Variants in BCL7C observed in about 807,000 individuals in gnomAD.
BCL7C encodes B-cell CLL/lymphoma 7 protein family member C.
Under a neutral mutation model 26.2 loss-of-function variants are expected in BCL7C, and 8 were observed. That is an observed-to-expected ratio of 0.30 (90% CI 0.18 to 0.55). The LOEUF is 0.55. BCL7C is among the 20% of genes least tolerant of loss of function. The pLI is 0.93. For missense variants in BCL7C, 262 were observed against 298.5 expected, an observed-to-expected ratio of 0.88 and a Z score of 0.90; for synonymous variants, 90 against 116.5, an observed-to-expected ratio of 0.77 and a Z score of 1.47.
At chr16:30,869,845 TA>T (rs2054867932) in intron 5 of BCL7C, among the ~76,000 whole-genome samples, 1 of 152,280 alleles carries the variant, frequency 6.6e-6, no homozygotes, top group Non-Finnish European at 1.5e-5. Flanking sequence ...AGCATGGACC[TA>T]GCATAGAATG....
At chr16:30,851,100 G>A (rs556440645) in intron 5 of BCL7C, 70 of 239,356 alleles carry the variant, frequency 2.9e-4, no homozygotes, top group Middle Eastern at 1.5e-3. Flanking sequence ...GGGATTCAGC[G>A]AACTCTTGGA....
chr16:30,836,754 G>T (rs1245717195), intron 5 of BCL7C, among the ~76,000 whole-genome samples: 1 of 151,640 alleles, frequency 6.6e-6, no homozygotes, highest in Non-Finnish European at 1.5e-5. Context: ...GGGATTACAG[G>T]TGTGAGCCAC....
chr16:30,870,771 C>A (rs575643690), intron 5 of BCL7C, among the ~76,000 whole-genome samples: 1 of 152,140 alleles, frequency 6.6e-6, no homozygotes, highest in Non-Finnish European at 1.5e-5. Flanking sequence ...GGTACCACAG[C>A]CAAGCATCAC....
intron 5 of BCL7C, among the ~76,000 whole-genome samples, chr16:30,846,109 C>CA (rs534483583): frequency 1.3e-3 from 108 of 81,744 alleles, no homozygotes; most frequent in South Asian, 1.8e-3. Context: ...GACTCCATCT[C>CA]AAAAAAAAAA....
chr16:30,839,400 C>G (rs1189050458), intron 5 of BCL7C, among the ~76,000 whole-genome samples: 3 of 152,052 alleles, frequency 2.0e-5, no homozygotes, highest in Non-Finnish European at 4.4e-5. Flanking sequence ...GATTCCTGTC[C>G]CCTGGTTATT....
At chr16:30,844,915 C>A (rs2054625044) in intron 5 of BCL7C, among the ~76,000 whole-genome samples, 1 of 152,164 alleles carries the variant, frequency 6.6e-6, no homozygotes, top group Non-Finnish European at 1.5e-5. Flanking sequence ...GAAGGGGAAG[C>A]TCTTCCTGGT....
At chr16:30,841,782 C>T (rs1004932241) in intron 5 of BCL7C, among the ~76,000 whole-genome samples, 13 of 151,794 alleles carry the variant, frequency 8.6e-5, no homozygotes, top group African/African-American at 2.9e-4. Flanking sequence ...GGTGAAACCC[C>T]ATCTCTACTA....
At chr16:30,845,632 G>A (rs1325366617) in intron 5 of BCL7C, among the ~76,000 whole-genome samples, 1 of 152,194 alleles carries the variant, frequency 6.6e-6, no homozygotes, top group East Asian at 1.9e-4. Flanking sequence ...CCTTGTGGGA[G>A]AAGATTCTTC....
chr16:30,873,946 T>TAG (rs1460536518), intron 5 of BCL7C, among the ~76,000 whole-genome samples: 4 of 21,160 alleles, frequency 1.9e-4, no homozygotes, highest in African/African-American at 7.1e-4. Context: ...TATATATAGA[T>TAG]ATATGTATAC....
intron 5 of BCL7C, among the ~76,000 whole-genome samples, chr16:30,869,672 C>T (rs760062876): frequency 2.0e-5 from 3 of 151,898 alleles, no homozygotes; most frequent in South Asian, 2.1e-4. Context: ...CAATCATGCC[C>T]GACTAATTTT....
At chr16:30,879,947 G>A (rs1158940538) in intron 5 of BCL7C, among the ~76,000 whole-genome samples, 2 of 151,058 alleles carry the variant, frequency 1.3e-5, no homozygotes, top group African/African-American at 4.9e-5. Flanking sequence ...CCAAGATCAC[G>A]CCACTGCACT....
At chr16:30,877,410 A>C (rs1323306470) in intron 5 of BCL7C, among the ~76,000 whole-genome samples, 1 of 151,754 alleles carries the variant, frequency 6.6e-6, no homozygotes, top group African/African-American at 2.4e-5. Flanking sequence ...CTGGGGTTAC[A>C]GTGTGAGGCA....
At chr16:30,842,780 G>C (rs1226107819) in intron 5 of BCL7C, among the ~76,000 whole-genome samples, 5 of 152,128 alleles carry the variant, frequency 3.3e-5, no homozygotes, top group African/African-American at 1.2e-4. Context: ...GTGTCAGCCA[G>C]GATGGTCTCG....
chr16:30,888,643 C>CTTT, intron 5 of BCL7C: 1 of 416,270 alleles, frequency 2.4e-6, no homozygotes. Flanking sequence ...CTTTGTCAGG[C>CTTT]TTTTAATGGT....
intron 5 of BCL7C, among the ~76,000 whole-genome samples, chr16:30,859,525 G>A (rs1353077914): frequency 6.6e-6 from 1 of 152,140 alleles, no homozygotes; most frequent in Non-Finnish European, 1.5e-5. Context: ...ATGGCCTGAA[G>A]CAACTGAAGA....
At chr16:30,873,466 G>A (rs1017633439) in intron 5 of BCL7C, among the ~76,000 whole-genome samples, 4 of 152,132 alleles carry the variant, frequency 2.6e-5, no homozygotes, top group Admixed American at 1.3e-4. Context: ...AAACTGTGAA[G>A]ATACTAAGAA....
chr16:30,845,216 C>T (rs750261945), intron 5 of BCL7C, among the ~76,000 whole-genome samples: 36 of 152,204 alleles, frequency 2.4e-4, no homozygotes, highest in Non-Finnish European at 4.6e-4. Context: ...TGGCAGAGCA[C>T]GCTTCTCCAG....
intron 5 of BCL7C, among the ~76,000 whole-genome samples, chr16:30,876,688 TGAGATAAGA>T (rs1372275087): frequency 2.0e-5 from 3 of 151,864 alleles, no homozygotes; most frequent in Non-Finnish European, 2.9e-5. Context: ...ACCCAAAGCC[TGAGATAAGA>T]GAGAGAAGGG....
chr16:30,877,178 C>T (rs901255943), intron 5 of BCL7C, among the ~76,000 whole-genome samples: 8 of 152,240 alleles, frequency 5.3e-5, no homozygotes, highest in Admixed American at 3.3e-4. Flanking sequence ...CACCCCCTAC[C>T]CCCCTACCCC....
Sources: allele counts gnomAD v4.1 joint callset (sites outside exome capture counted in the v4.1 genomes callset), GRCh38; gene constraint gnomAD v4.1.1; transcripts MANE v1.5; gene names NCBI Gene and HGNC (gene_info 2026-07-23, HGNC 2026-07-21).